The following UBAC2 variants were observed in gnomAD, a reference collection of about 807,000 sequenced individuals.
UBAC2 encodes the protein ubiquitin-associated domain-containing protein 2.
A neutral mutation model predicts 44.0 loss-of-function variants in UBAC2; 26 were observed. That is an observed-to-expected ratio of 0.59 (90% CI 0.43 to 0.82). UBAC2 has a LOEUF of 0.82. Ranked by LOEUF, UBAC2 falls within the 40% of genes least tolerant of loss-of-function variation. The probability of loss-of-function intolerance (pLI) is 0.00; values close to 1 mark genes in which losing one functional copy is unlikely to be tolerated. For missense variants in UBAC2, 329 were observed against 419.4 expected (o/e 0.78, Z 1.88); for synonymous variants, 155 against 154.3 (o/e 1.00, Z -0.04).
chr13:99,215,679 T>G (rs2042984602), intron 1 of UBAC2: 6 of 1,496,256 alleles, frequency 4.0e-6, no homozygotes, highest in Non-Finnish European at 5.4e-6. Flanking sequence ...CTCTGGGAAC[T>G]GCAAGCCGGC....
chr13:99,213,548 C>T (rs1225685714), intron 1 of UBAC2, among the ~76,000 whole-genome samples: 2 of 150,754 alleles, frequency 1.3e-5, no homozygotes, highest in Non-Finnish European at 3.0e-5. Context: ...TTTGTAGAGA[C>T]AGGGTTTTAC....
In UBAC2 at chr13:99,239,354, G is replaced by A. The variant is rs1242971993; in HGVS notation, c.159+800G>A. Among the ~76,000 whole-genome samples the A allele has an allele frequency of 3.3e-5, 5 of 152,072 alleles. No homozygotes were observed. In the East Asian group the frequency reaches 7.7e-4, roughly 23 times the overall value. ...CTATAATGCAGTCCTTCTCAACCCC[G>A]GACACACATTAGAATCACCTGAAAA... On this transcript the variant is annotated intron_variant, in intron 2 of 8. Coordinates refer to ENST00000403766, the MANE Select transcript of UBAC2 (RefSeq NM_001144072.2).
intron 7 of UBAC2, among the ~76,000 whole-genome samples, chr13:99,349,092 G>A (rs1298650673): frequency 3.3e-5 from 5 of 152,222 alleles, no homozygotes; most frequent in Non-Finnish European, 5.9e-5. Context: ...AGTGAAGGAC[G>A]AGGGCAGGCT....
chr13:99,207,675 G>GAGCCTAAGGTCCACTGGTGTC (rs1405744571), intron 1 of UBAC2, among the ~76,000 whole-genome samples: 1 of 152,182 alleles, frequency 6.6e-6, no homozygotes, highest in African/African-American at 2.4e-5. Context: ...GAAGTTTGAT[G>GAGCCTAAGGTCCACTGGTGTC]AGCCTAAGGT....
At chr13:99,300,910 T>G (rs2044248297) in intron 4 of UBAC2, among the ~76,000 whole-genome samples, 1 of 152,218 alleles carries the variant, frequency 6.6e-6, no homozygotes, top group Non-Finnish European at 1.5e-5. Flanking sequence ...GGTAGAAAAT[T>G]TATTCTTAAG....
chr13:99,347,302 C>T (rs186608071), intron 7 of UBAC2, among the ~76,000 whole-genome samples: 94 of 127,916 alleles, frequency 7.3e-4, no homozygotes, highest in African/African-American at 2.8e-3. Context: ...CAGATTCAGA[C>T]GTTACTATCC....
At chr13:99,359,548 A>G (rs1262676367) in intron 7 of UBAC2, among the ~76,000 whole-genome samples, 1 of 152,088 alleles carries the variant, frequency 6.6e-6, no homozygotes, top group Admixed American at 6.5e-5. Flanking sequence ...GGCCTGGGGT[A>G]AAGCTTCCCA....
intron 6 of UBAC2, among the ~76,000 whole-genome samples, chr13:99,332,441 C>T (rs1214603814): frequency 6.6e-6 from 1 of 152,192 alleles, no homozygotes; most frequent in African/African-American, 2.4e-5. Flanking sequence ...TATTAGTGGA[C>T]TAAGAGAAAA....
At chr13:99,201,141 G>A (rs2042791007) in intron 1 of UBAC2, 1 of 1,369,320 alleles carries the variant, frequency 7.3e-7, no homozygotes, top group Non-Finnish European at 9.5e-7. Context: ...GGCGAATGGG[G>A]ACAAAGCCCC....
At chr13:99,338,370 A>T (rs1365082227) in intron 6 of UBAC2, among the ~76,000 whole-genome samples, 2 of 152,014 alleles carry the variant, frequency 1.3e-5, no homozygotes, top group Admixed American at 6.6e-5. Flanking sequence ...GTAATGTTTT[A>T]AGAAAGTTTA....
At chr13:99,245,374 A>G (rs2043370579) in intron 4 of UBAC2, among the ~76,000 whole-genome samples, 1 of 152,256 alleles carries the variant, frequency 6.6e-6, no homozygotes, top group South Asian at 2.1e-4. Context: ...CATCAAACAT[A>G]AAACAAAGCC....
intron 6 of UBAC2, among the ~76,000 whole-genome samples, chr13:99,327,655 G>A (rs1314145707): frequency 6.6e-6 from 1 of 152,054 alleles, no homozygotes; most frequent in Non-Finnish European, 1.5e-5. Context: ...TGTTATCAAA[G>A]GTCTTCCATG....
At chr13:99,345,741 C>CTTTTTTTTTTT (rs766632532) in intron 7 of UBAC2, among the ~76,000 whole-genome samples, 2 of 130,928 alleles carry the variant, frequency 1.5e-5, no homozygotes, top group Non-Finnish European at 1.7e-5. Flanking sequence ...TTTTTTCTTT[C>CTTTTTTTTTTT]TTTTTTTTTT....
At chr13:99,320,317 T>A (rs2044551220) in intron 6 of UBAC2, among the ~76,000 whole-genome samples, 1 of 152,194 alleles carries the variant, frequency 6.6e-6, no homozygotes, top group Non-Finnish European at 1.5e-5. Flanking sequence ...GTACCTGTTT[T>A]AACTTTTTAA....
At chr13:99,351,902 C>T (rs926848371) in intron 7 of UBAC2, 23 of 385,198 alleles carry the variant, frequency 6.0e-5, no homozygotes, top group South Asian at 3.6e-4. Context: ...AAGCTACTGA[C>T]ACCCAGAGTG....
intron 4 of UBAC2, among the ~76,000 whole-genome samples, chr13:99,270,814 G>A (rs1250243088): frequency 2.0e-5 from 3 of 152,204 alleles, no homozygotes; most frequent in East Asian, 3.8e-4. Flanking sequence ...TTTCAGTCAT[G>A]TTTTAGGAGA....
At chr13:99,201,289 G>A in intron 1 of UBAC2, 1 of 1,457,280 alleles carries the variant, frequency 6.9e-7, no homozygotes, top group Non-Finnish European at 9.0e-7. Context: ...CGCGCTGAAG[G>A]AAGGGGCCGT....
chr13:99,356,491 T>C (rs1254322013), intron 7 of UBAC2, among the ~76,000 whole-genome samples: 1 of 152,242 alleles, frequency 6.6e-6, no homozygotes, highest in Non-Finnish European at 1.5e-5. Context: ...CTGTTCTGCC[T>C]AGAAGAAATA....
intron 8 of UBAC2, among the ~76,000 whole-genome samples, chr13:99,384,730 A>T (rs944543097): frequency 6.6e-6 from 1 of 151,902 alleles, no homozygotes; most frequent in Admixed American, 6.6e-5. Flanking sequence ...CAGGAGTGTG[A>T]TGCCAGGGCT....
Sources: allele counts gnomAD v4.1 joint callset (sites outside exome capture counted in the v4.1 genomes callset), GRCh38; gene constraint gnomAD v4.1.1; transcripts MANE v1.5; gene names NCBI Gene and HGNC (gene_info 2026-07-23, HGNC 2026-07-21).